Variants in PDIA5 observed in about 807,000 individuals in gnomAD.
PDIA5 encodes the protein protein disulfide isomerase family A member 5.
A neutral mutation model predicts 77.6 loss-of-function variants in PDIA5; 58 were observed. That is an observed-to-expected ratio of 0.75 (90% CI 0.61 to 0.93). The LOEUF (loss-of-function observed/expected upper bound fraction) is 0.93. Ranked by LOEUF, PDIA5 falls within the 40% of genes least tolerant of loss-of-function variation. PDIA5 has a pLI of 0.00. For missense variants in PDIA5, 630 were observed against 647.7 expected, an observed-to-expected ratio of 0.97 and a Z score of 0.30; for synonymous variants, 250 against 252.1, an observed-to-expected ratio of 0.99 and a Z score of 0.08.
chr3:123,086,856 T>G (rs1183020042), intron 1 of PDIA5, among the ~76,000 whole-genome samples: 1 of 152,228 alleles, frequency 6.6e-6, no homozygotes, highest in African/African-American at 2.4e-5. Flanking sequence ...ATCTGATATT[T>G]TCATCTGTTC....
intron 13 of PDIA5, among the ~76,000 whole-genome samples, chr3:123,149,898 G>A (rs1375730259): frequency 6.6e-6 from 1 of 152,102 alleles, no homozygotes. Flanking sequence ...AGAAAGGAGG[G>A]GCCTGGGAGT....
chr3:123,160,011 C>A (rs1399552793), intron 15 of PDIA5, among the ~76,000 whole-genome samples: 3 of 152,196 alleles, frequency 2.0e-5, no homozygotes, highest in African/African-American at 7.2e-5. Context: ...TATTGAATCA[C>A]CCTCTTTTAA....
intron 1 of PDIA5, among the ~76,000 whole-genome samples, chr3:123,074,501 T>C (rs1457231679): frequency 6.6e-6 from 1 of 152,136 alleles, no homozygotes; most frequent in Non-Finnish European, 1.5e-5. Flanking sequence ...TATCAAAATA[T>C]AACAACAAGG....
At position 123,138,760 on chromosome 3, in the gene PDIA5, G is replaced by A. The variant is rs185566439; in HGVS notation, c.911-6762G>A. Reference sequence around the variant, plus strand: ...CTGAGGTCTCTGTAGGCCCCTCCACGCCCGTATTTCTGCTGGCATTTGTAG... The same window carrying A: ...CTGAGGTCTCTGTAGGCCCCTCCACACCCGTATTTCTGCTGGCATTTGTAG... On this transcript the variant is annotated intron_variant, in intron 11 of 16. Coordinates refer to ENST00000316218, the MANE Select transcript of PDIA5 (RefSeq NM_006810.4). Among the ~76,000 whole-genome samples the A allele has an allele frequency of 2.4e-3, 370 of 152,128 alleles. 1 individual carries two copies. Among genetic ancestry groups the A allele is most frequent in the African/African-American group, 8.4e-3 (347 of 41,492 alleles).
At chr3:123,073,616 T>G (rs1016382297) in intron 1 of PDIA5, among the ~76,000 whole-genome samples, 6 of 152,228 alleles carry the variant, frequency 3.9e-5, no homozygotes, top group African/African-American at 1.4e-4. Context: ...ATTGGGGGGT[T>G]GAAGACACTC....
intron 1 of PDIA5, among the ~76,000 whole-genome samples, chr3:123,079,276 G>T (rs935807632): frequency 1.3e-5 from 2 of 150,118 alleles, no homozygotes; most frequent in Admixed American, 6.7e-5. Context: ...CGCCTCCTGG[G>T]TTCACGCCAT....
At chr3:123,150,456 G>C (rs1199520767) in intron 14 of PDIA5, 92 bp downstream of exon 14, 2 of 1,266,026 alleles carry the variant, frequency 1.6e-6, no homozygotes, top group Non-Finnish European at 2.2e-6. Context: ...CAGGGACCAA[G>C]GCAGCCGCTG....
chr3:123,122,458 T>C (rs1335794481), intron 8 of PDIA5, among the ~76,000 whole-genome samples: 2 of 150,796 alleles, frequency 1.3e-5, no homozygotes, highest in African/African-American at 4.9e-5. Context: ...AAAAAAACAG[T>C]GAATTTAGTG....
intron 1 of PDIA5, among the ~76,000 whole-genome samples, chr3:123,075,515 G>A (rs1335557412): frequency 6.6e-6 from 1 of 152,152 alleles, no homozygotes; most frequent in Non-Finnish European, 1.5e-5. Flanking sequence ...GTGCCTGTAG[G>A]GTTTATCTAT....
chr3:123,108,625 C>T (rs1316392282), intron 6 of PDIA5, among the ~76,000 whole-genome samples: 4 of 148,996 alleles, frequency 2.7e-5, no homozygotes, highest in Admixed American at 1.3e-4. Flanking sequence ...CACTGGCTCA[C>T]GCCTGTAATC....
chr3:123,094,013 T>C (rs908578395), intron 3 of PDIA5, among the ~76,000 whole-genome samples: 2 of 152,198 alleles, frequency 1.3e-5, no homozygotes, highest in African/African-American at 2.4e-5. Flanking sequence ...TCAGGAGTAG[T>C]GGCTGAAGAC....
In PDIA5 at chr3:123,116,297, C is replaced by T. The variant is rs377717103; in HGVS notation, c.608C>T (p.Ala203Val). 6.2e-7 allele frequency: 1 copy of T among 1,612,532 alleles called. No homozygotes were observed. The highest frequency in any genetic ancestry group is 2.2e-5 in the East Asian group (1 of 44,878). Residue 203 changes from alanine to valine, a missense_variant and splice_region_variant, in exon 8 of 17, where the codon GCC (alanine) becomes GTC (valine). By Grantham distance (64) the Ala-to-Val change is moderately conservative. Coordinates refer to ENST00000316218, the MANE Select transcript of PDIA5 (RefSeq NM_006810.4). ...QKAATQLRGH[A>V]VLAGMNVYSS... ...GCTGCGACTCAGCTGCGAGGCCACG[C>T]CGTAAGTGAGGCGCCATTGCCTGGC...
chr3:123,069,904 A>G (rs370739198), intron 1 of PDIA5, among the ~76,000 whole-genome samples: 2 of 152,246 alleles, frequency 1.3e-5, no homozygotes, highest in South Asian at 4.1e-4. Flanking sequence ...AGCCTGGCCA[A>G]CATGGTGAAA....
At chr3:123,151,734 TCCTGCCTGCCTG>T (rs67239583) in intron 14 of PDIA5, among the ~76,000 whole-genome samples, 20,716 of 111,200 alleles carry the variant, frequency 0.19, 1,678 homozygotes, top group Non-Finnish European at 0.24. Flanking sequence ...ACTCCTTCCT[TCCTGCCTGCCTG>T]CCTGCCTGCC....
Position 123,102,746 on chromosome 3 carries a change from G to T in PDIA5, c.342-5G>T, listed in dbSNP as rs1934634430. 1 of 1,606,726 alleles carries T rather than the reference G, an allele frequency of 6.2e-7. No homozygotes were observed. Among genetic ancestry groups the T allele is most frequent in the Admixed American group, 1.7e-5 (1 of 60,008 alleles). ...AGTTAACACATTTTTCTCCTCATTT[G>T]ACAGGGATGGTGCATTTCATACTGA... On this transcript the variant is annotated splice_polypyrimidine_tract_variant and splice_region_variant and intron_variant, in intron 4 of 16. Coordinates refer to ENST00000316218, the MANE Select transcript of PDIA5 (RefSeq NM_006810.4).
intron 15 of PDIA5, among the ~76,000 whole-genome samples, chr3:123,156,592 C>T (rs531301110): frequency 1.3e-5 from 2 of 152,318 alleles, no homozygotes; most frequent in African/African-American, 4.8e-5. Flanking sequence ...ACGTCCATCA[C>T]GTGCCACCCA....
At chr3:123,073,055 T>C (rs764687876) in intron 1 of PDIA5, among the ~76,000 whole-genome samples, 2 of 152,210 alleles carry the variant, frequency 1.3e-5, no homozygotes, top group Non-Finnish European at 2.9e-5. Context: ...TGGCCATCTT[T>C]CAGCACTGCC....
intron 14 of PDIA5, among the ~76,000 whole-genome samples, chr3:123,152,882 A>G (rs777406803): frequency 4.8e-4 from 73 of 151,540 alleles, no homozygotes; most frequent in Admixed American, 1.2e-3. Context: ...TAGAACTGCA[A>G]TTGTCCAGCC....
At chr3:123,104,027 A>G (rs1418381707) in intron 5 of PDIA5, among the ~76,000 whole-genome samples, 1 of 152,144 alleles carries the variant, frequency 6.6e-6, no homozygotes, top group Non-Finnish European at 1.5e-5. Context: ...GCGGCTCCTC[A>G]TAATTGTGGT....
Sources: allele counts gnomAD v4.1 joint callset (sites outside exome capture counted in the v4.1 genomes callset), GRCh38; gene constraint gnomAD v4.1.1; transcripts MANE v1.5; gene names NCBI Gene and HGNC (gene_info 2026-07-23, HGNC 2026-07-21).